Variants in IL1RAPL2 observed in about 807,000 individuals in gnomAD.
IL1RAPL2 encodes interleukin 1 receptor accessory protein like 2.
IL1RAPL2 carries 3 observed loss-of-function variants against 44.1 expected under a neutral mutation model. The ratio of observed to expected loss-of-function variants is 0.07; its 90% confidence interval spans 0.03 to 0.18. The LOEUF is 0.18. IL1RAPL2 is among the 10% of genes least tolerant of loss of function. IL1RAPL2 has a pLI of 1.00. For synonymous variants in IL1RAPL2, 181 were observed against 178.8 expected, an observed-to-expected ratio of 1.01 and a Z score of -0.10; for missense variants, 391 against 496.4, an observed-to-expected ratio of 0.79 and a Z score of 2.02.
chrX:105,332,437 G>A (rs1338157082), intron 5 of IL1RAPL2, among the ~76,000 whole-genome samples: 2 of 110,603 alleles, frequency 1.8e-5, no homozygotes, highest in African/African-American at 6.6e-5. Flanking sequence ...CTTCTCAAAT[G>A]TTCTGTACTC....
intron 2 of IL1RAPL2, among the ~76,000 whole-genome samples, chrX:104,855,994 G>T (rs1420961025): frequency 9.1e-6 from 1 of 110,327 alleles, no homozygotes; most frequent in Non-Finnish European, 1.9e-5. Context: ...TGATAATGAG[G>T]ACAGTATAGC....
chrX:105,307,654 C>A (rs7473430), intron 5 of IL1RAPL2, among the ~76,000 whole-genome samples: 1,074 of 46,018 alleles, frequency 0.023, 137 homozygotes, highest in African/African-American at 0.13. Context: ...TATATATTTT[C>A]TATTATATAT....
intron 5 of IL1RAPL2, among the ~76,000 whole-genome samples, chrX:105,407,329 A>G (rs952586770): frequency 1.8e-5 from 2 of 110,937 alleles, no homozygotes; most frequent in Non-Finnish European, 3.8e-5. Context: ...TGGTTTTATG[A>G]CCAGGAATAG....
intron 3 of IL1RAPL2, among the ~76,000 whole-genome samples, chrX:105,199,138 C>G (rs1736296312): frequency 9.0e-6 from 1 of 110,860 alleles, no homozygotes; most frequent in South Asian, 3.8e-4. Flanking sequence ...CTTATGTGTT[C>G]CATCATTTAT....
intron 2 of IL1RAPL2, among the ~76,000 whole-genome samples, chrX:105,162,898 A>G (rs756678204): frequency 9.0e-6 from 1 of 111,453 alleles, no homozygotes; most frequent in Non-Finnish European, 1.9e-5. Flanking sequence ...AGGAACTCCT[A>G]ATCACCTCCT....
chrX:105,025,830 A>C (rs1299683074), intron 2 of IL1RAPL2, among the ~76,000 whole-genome samples: 1 of 111,426 alleles, frequency 9.0e-6, no homozygotes, highest in Non-Finnish European at 1.9e-5. Flanking sequence ...TGTTTAAGTA[A>C]CTGCAGCTGT....
intron 1 of IL1RAPL2, among the ~76,000 whole-genome samples, chrX:104,597,313 C>A (rs1928784015): frequency 9.7e-6 from 1 of 102,784 alleles, no homozygotes; most frequent in South Asian, 4.7e-4. Flanking sequence ...CACTGCACGC[C>A]AGCCTGGGGC....
intron 1 of IL1RAPL2, among the ~76,000 whole-genome samples, chrX:104,615,207 T>G (rs940012332): frequency 1.8e-5 from 2 of 111,360 alleles, no homozygotes; most frequent in Non-Finnish European, 3.8e-5. Context: ...AGCACTTACT[T>G]GTCTGGAAAA....
At chrX:104,890,925 G>T (rs941406394) in intron 2 of IL1RAPL2, among the ~76,000 whole-genome samples, 2 of 111,729 alleles carry the variant, frequency 1.8e-5, no homozygotes, top group African/African-American at 6.5e-5. Context: ...GGTTTTTATG[G>T]TTTTAGGTCT....
intron 2 of IL1RAPL2, among the ~76,000 whole-genome samples, chrX:105,049,987 T>G (rs2031897135): frequency 8.9e-6 from 1 of 112,020 alleles, no homozygotes; most frequent in Admixed American, 9.5e-5. Flanking sequence ...GTGGTTCTGA[T>G]TCATGGCCTT....
chrX:105,600,382 G>A (rs2147822037), intron 6 of IL1RAPL2, among the ~76,000 whole-genome samples: 1 of 109,946 alleles, frequency 9.1e-6, no homozygotes, highest in Non-Finnish European at 1.9e-5. Context: ...ATGTTTAACT[G>A]CCTTAGTGGC....
At chrX:104,959,332 A>T (rs1243124278) in intron 2 of IL1RAPL2, among the ~76,000 whole-genome samples, 1 of 110,748 alleles carries the variant, frequency 9.0e-6, no homozygotes, top group Non-Finnish European at 1.9e-5. Context: ...GTTACATTTA[A>T]TACAAGTGGA....
intron 5 of IL1RAPL2, chrX:105,405,943 G>A: frequency 8.5e-7 from 1 of 1,176,541 alleles, no homozygotes; most frequent in East Asian, 3.0e-5. Context: ...TTGTTTGTTT[G>A]TGAAGGAGAA....
intron 5 of IL1RAPL2, among the ~76,000 whole-genome samples, chrX:105,377,728 G>C (rs1340461114): frequency 9.0e-6 from 1 of 111,082 alleles, no homozygotes; most frequent in Non-Finnish European, 1.9e-5. Flanking sequence ...ATGAGATAGA[G>C]TACCATGAAA....
At chrX:105,095,197 T>C (rs760971990) in intron 2 of IL1RAPL2, among the ~76,000 whole-genome samples, 1 of 111,541 alleles carries the variant, frequency 9.0e-6, no homozygotes, top group African/African-American at 3.3e-5. Context: ...GTACCTCCAG[T>C]ACAATGTTGA....
chrX:104,762,392 C>T (rs777911700), intron 2 of IL1RAPL2, among the ~76,000 whole-genome samples: 54 of 112,251 alleles, frequency 4.8e-4, no homozygotes, highest in Non-Finnish European at 9.8e-4. Flanking sequence ...CTCCCATGGC[C>T]TTGGACAGCT....
chrX:105,534,880 G>C (rs986371915), intron 6 of IL1RAPL2, among the ~76,000 whole-genome samples: 1 of 111,609 alleles, frequency 9.0e-6, no homozygotes. Context: ...ATGGATCATA[G>C]ACCTAAATAT....
intron 2 of IL1RAPL2, among the ~76,000 whole-genome samples, chrX:105,052,802 G>A (rs1329030274): frequency 9.1e-6 from 1 of 109,433 alleles, no homozygotes; most frequent in Non-Finnish European, 1.9e-5. Flanking sequence ...GTGGTTTGCT[G>A]CACCTATCAA....
chrX:105,660,600 A>G (rs1272254369), intron 6 of IL1RAPL2, among the ~76,000 whole-genome samples: 1 of 111,535 alleles, frequency 9.0e-6, no homozygotes, highest in Non-Finnish European at 1.9e-5. Flanking sequence ...GTAAGATATA[A>G]ATAGAAATTT....
Sources: gnomAD v4.1 joint callset for allele counts (sites outside exome capture counted in the v4.1 genomes callset) on GRCh38, gnomAD v4.1.1 for gene constraint, MANE v1.5 for transcripts, NCBI Gene and HGNC (gene_info 2026-07-23, HGNC 2026-07-21) for gene names.